NAV3: variants seen among roughly 807,000 people sequenced by gnomAD.
NAV3 encodes the protein pore membrane and/or filament interacting like protein 1.
A neutral mutation model predicts 244.7 loss-of-function variants in NAV3; 87 were observed. The observed-to-expected ratio is 0.36, with a 90% confidence interval of 0.30 to 0.42. The LOEUF is 0.42. Ranked by LOEUF, NAV3 falls within the 20% of genes least tolerant of loss-of-function variation. The pLI, the probability that NAV3 is intolerant of heterozygous loss-of-function variation, is 1.00. For synonymous variants in NAV3, 1,126 were observed against 1,042.2 expected (o/e 1.08, Z -1.55); for missense variants, 2,663 against 2,893.3 (o/e 0.92, Z 1.83).
At chr12:77,913,529 A>G (rs1355717341) in intron 1 of NAV3, among the ~76,000 whole-genome samples, 2 of 152,022 alleles carry the variant, frequency 1.3e-5, no homozygotes, top group Admixed American at 1.3e-4. Flanking sequence ...CGTACTAGGC[A>G]TTACTCTAAG....
chr12:78,094,985 T>A (rs746429224), intron 12 of NAV3, among the ~76,000 whole-genome samples: 3 of 150,722 alleles, frequency 2.0e-5, no homozygotes, highest in Non-Finnish European at 4.4e-5. Context: ...AGGCGAGGGT[T>A]GCAGTGAGCC....
rs2137259612 is a variant in NAV3 at position 78,051,044 on chromosome 12, G to A, written c.2413G>A (p.Ala805Thr). Residue 805 changes from alanine (A) to threonine (T), a missense_variant, in exon 11 of 40, where the codon GCA (alanine) becomes ACA (threonine). Physicochemically the swap from Ala to Thr is moderately conservative, Grantham distance 58. Transcript: ENST00000397909. ...NMSQIDMSEK[A>T]SSDLDMSSEV... ...GTCACAGATTGACATGAGTGAGAAAGCAAGCAGTGACCTGGACATGTCTTC... is the reference window on the plus strand; with the variant it reads ...GTCACAGATTGACATGAGTGAGAAAACAAGCAGTGACCTGGACATGTCTTC... 1 of 1,614,186 alleles carries A rather than the reference G, an allele frequency of 6.2e-7. No homozygotes were observed. Among genetic ancestry groups the A allele is most frequent in the Non-Finnish European group, 8.5e-7 (1 of 1,180,040 alleles).
intron 22 of NAV3, among the ~76,000 whole-genome samples, chr12:78,152,215 A>T (rs1957105032): frequency 6.7e-6 from 1 of 149,720 alleles, no homozygotes; most frequent in South Asian, 2.1e-4. Context: ...GACAGTCAAA[A>T]GGTACAGGTA....
chr12:77,645,343 C>T (rs1258808574), intron 2 of NAV3, among the ~76,000 whole-genome samples: 1 of 151,368 alleles, frequency 6.6e-6, no homozygotes, highest in African/African-American at 2.4e-5. Flanking sequence ...AACTTTAACT[C>T]TGTTTCAAAT....
Position 78,199,449 on chromosome 12 carries a change from C to G in NAV3, c.6633C>G (p.Val2211=). 1 of 1,610,152 alleles carries G rather than the reference C, an allele frequency of 6.2e-7. No individual in the cohort carries two copies. Among genetic ancestry groups the G allele is most frequent in the South Asian group, 1.1e-5 (1 of 90,632 alleles). ...IERNIRNNDL[V]KIIDWIPKTW... is the part of the protein sequence containing the mutation. ...GGAACATTCGCAATAATGACCTAGT[C>G]AAAATTATAGATTGGATTCCGAAGA... Residue 2211 remains valine, a synonymous_variant, in exon 37 of 40, where the codon GTC becomes GTG. Transcript: ENST00000397909.
intron 9 of NAV3, among the ~76,000 whole-genome samples, chr12:78,042,804 TA>T (rs892416651): frequency 6.6e-6 from 1 of 151,888 alleles, no homozygotes; most frequent in Non-Finnish European, 1.5e-5. Context: ...GAAAATGAAA[TA>T]AAAAAATAAA....
At chr12:77,787,452 A>G in intron 2 of NAV3, among the ~76,000 whole-genome samples, 1 of 152,198 alleles carries the variant, frequency 6.6e-6, no homozygotes, top group East Asian at 1.9e-4. Flanking sequence ...GGGAGACCTC[A>G]GGAAACTTAC....
At chr12:77,622,650 G>C (rs1871430911) in intron 2 of NAV3, among the ~76,000 whole-genome samples, 1 of 143,236 alleles carries the variant, frequency 7.0e-6, no homozygotes, top group Admixed American at 7.4e-5. Flanking sequence ...AAAATATGTA[G>C]AAAAGCAATA....
chr12:77,823,172 G>C (rs968684231), intron 2 of NAV3, among the ~76,000 whole-genome samples: 1 of 152,114 alleles, frequency 6.6e-6, no homozygotes, highest in Non-Finnish European at 1.5e-5. Context: ...CAGAAGTTTT[G>C]CTGACCCTTA....
intron 2 of NAV3, among the ~76,000 whole-genome samples, chr12:77,597,474 A>C (rs746091419): frequency 2.0e-5 from 3 of 152,238 alleles, no homozygotes; most frequent in Middle Eastern, 3.4e-3. Flanking sequence ...CGCTAAGAAA[A>C]ATATCACTAT....
At chr12:77,789,816 G>GAAAAAA (rs57070028) in intron 2 of NAV3, among the ~76,000 whole-genome samples, 10 of 75,540 alleles carry the variant, frequency 1.3e-4, no homozygotes, top group Non-Finnish European at 2.1e-4. Context: ...GTCTCGAAAA[G>GAAAAAA]AAAAAAAAAA....
intron 1 of NAV3, among the ~76,000 whole-genome samples, chr12:77,841,190 A>G (rs913220420): frequency 3.3e-5 from 5 of 152,226 alleles, no homozygotes; most frequent in Admixed American, 2.0e-4. Flanking sequence ...CTGCCTGGAA[A>G]AAAAGTCACT....
At chr12:77,905,844 A>G (rs1377665754) in intron 1 of NAV3, among the ~76,000 whole-genome samples, 1 of 152,180 alleles carries the variant, frequency 6.6e-6, no homozygotes, top group African/African-American at 2.4e-5. Context: ...GTACAGTGGA[A>G]ACATTTTGAG....
chr12:77,580,624 A>G (rs2136675175), intron 2 of NAV3, among the ~76,000 whole-genome samples: 1 of 152,338 alleles, frequency 6.6e-6, no homozygotes, highest in Non-Finnish European at 1.5e-5. Flanking sequence ...CCCTTAATTC[A>G]TGGTACATTT....
intron 5 of NAV3, among the ~76,000 whole-genome samples, chr12:77,993,129 G>A (rs1332048605): frequency 6.6e-6 from 1 of 152,156 alleles, no homozygotes; most frequent in Non-Finnish European, 1.5e-5. Flanking sequence ...TGTTTATCCA[G>A]TTCTGTGCTA....
chr12:78,097,653 G>T (rs1218156795), intron 12 of NAV3, among the ~76,000 whole-genome samples: 2 of 151,970 alleles, frequency 1.3e-5, no homozygotes. Flanking sequence ...TAATACTTTT[G>T]TAATTTTGTT....
intron 18 of NAV3, 37 bp from the exon 19 acceptor site, chr12:78,137,140 C>G: frequency 6.4e-7 from 1 of 1,558,158 alleles, no homozygotes. Context: ...ATCTTTCAAG[C>G]TTAAGAGTAA....
intron 34 of NAV3, among the ~76,000 whole-genome samples, chr12:78,190,795 A>T (rs1331447146): frequency 1.3e-5 from 2 of 152,144 alleles, no homozygotes; most frequent in Non-Finnish European, 2.9e-5. Flanking sequence ...AATGTGCCAT[A>T]GTAATCAGCC....
At chr12:78,151,385 A>C (rs550420090) in intron 22 of NAV3, among the ~76,000 whole-genome samples, 1 of 152,228 alleles carries the variant, frequency 6.6e-6, no homozygotes, top group South Asian at 2.1e-4. Flanking sequence ...AACCAAAAAT[A>C]TCCCTTAATA....
Sources: gnomAD v4.1 joint callset for allele counts (sites outside exome capture counted in the v4.1 genomes callset) on GRCh38, gnomAD v4.1.1 for gene constraint, MANE v1.5 for transcripts, NCBI Gene and HGNC (gene_info 2026-07-23, HGNC 2026-07-21) for gene names.